APPL2: variants seen among roughly 807,000 people sequenced by gnomAD.
APPL2 encodes the protein DCC-interacting protein 13-beta.
A neutral mutation model predicts 92.7 loss-of-function variants in APPL2; 84 were observed. That is an observed-to-expected ratio of 0.91 (90% CI 0.76 to 1.09). The LOEUF (loss-of-function observed/expected upper bound fraction) is 1.09, where lower values mean the gene tolerates loss of function less well. Ranked by LOEUF, APPL2 falls within the 50% of genes least tolerant of loss-of-function variation. APPL2 has a pLI of 0.00. For synonymous variants in APPL2, 291 were observed against 291.0 expected, an observed-to-expected ratio of 1.00 and a Z score of 0.00; for missense variants, 736 against 824.5, an observed-to-expected ratio of 0.89 and a Z score of 1.31.
intron 17 of APPL2, among the ~76,000 whole-genome samples, chr12:105,186,703 T>TATATAC (rs1730631824): frequency 8.0e-6 from 1 of 124,822 alleles, no homozygotes; most frequent in African/African-American, 3.5e-5. Flanking sequence ...ATATATCATA[T>TATATAC]CATATATCAT....
chr12:105,212,016 G>A (rs1313714378), intron 4 of APPL2, among the ~76,000 whole-genome samples: 1 of 150,896 alleles, frequency 6.6e-6, no homozygotes, highest in Non-Finnish European at 1.5e-5. Context: ...CTATGTGGGA[G>A]GCTGAGGCAG....
At chr12:105,206,404 G>C (rs1044441094) in intron 8 of APPL2, among the ~76,000 whole-genome samples, 1 of 152,174 alleles carries the variant, frequency 6.6e-6, no homozygotes, top group Non-Finnish European at 1.5e-5. Flanking sequence ...GGCAAACGCA[G>C]GATGGGGTGG....
chr12:105,206,464 C>T (rs528084961), intron 8 of APPL2, among the ~76,000 whole-genome samples: 154 of 152,274 alleles, frequency 1.0e-3, no homozygotes, highest in African/African-American at 3.4e-3. Context: ...CACTCGTCTC[C>T]GCCGCACTGG....
intron 1 of APPL2, 99 bp from the exon 2 acceptor site, chr12:105,229,322 G>C (rs1890750922): frequency 8.9e-7 from 1 of 1,129,356 alleles, no homozygotes; most frequent in Non-Finnish European, 1.3e-6. Flanking sequence ...AAACCAGAAT[G>C]CGAGGAAAGA....
At chr12:105,182,133 C>T (rs928988991) in intron 17 of APPL2, among the ~76,000 whole-genome samples, 1 of 152,156 alleles carries the variant, frequency 6.6e-6, no homozygotes, top group Non-Finnish European at 1.5e-5. Context: ...TCAAGTGATT[C>T]TCCTGCTCCA....
Position 105,195,515 on chromosome 12 carries a change from TA to T in APPL2, c.1096-15del, listed in dbSNP as rs746922622. 7.4e-6 allele frequency: 12 copies of T among 1,614,042 alleles called. No homozygotes were observed. Among genetic ancestry groups the T allele is most frequent in the African/African-American group, 2.7e-5 (2 of 74,914 alleles). On this transcript the variant is annotated splice_polypyrimidine_tract_variant and intron_variant, in intron 12 of 20. Transcript: ENST00000258530. ...TGCACATATCCACTGTAGAGGACAT[TA>T]AAAAAGAACACTGAATCCCAAAGTC...
intron 2 of APPL2, among the ~76,000 whole-genome samples, chr12:105,219,298 T>C (rs774242800): frequency 2.0e-5 from 3 of 152,260 alleles, no homozygotes; most frequent in Non-Finnish European, 4.4e-5. Flanking sequence ...CTTCCTGCTC[T>C]GCCCTAAGGA....
At chr12:105,186,650 C>T (rs1353870734) in intron 17 of APPL2, among the ~76,000 whole-genome samples, 16 of 111,282 alleles carry the variant, frequency 1.4e-4, no homozygotes, top group Middle Eastern at 8.5e-3. Context: ...TATATGATAT[C>T]GATATCATAT....
At chr12:105,215,266 C>A (rs1277116133) in intron 4 of APPL2, among the ~76,000 whole-genome samples, 1 of 152,152 alleles carries the variant, frequency 6.6e-6, no homozygotes, top group African/African-American at 2.4e-5. Context: ...CTTGTGGGAT[C>A]TGAGGCTATC....
intron 4 of APPL2, among the ~76,000 whole-genome samples, chr12:105,216,832 G>C (rs373965129): frequency 4.7e-4 from 71 of 152,308 alleles, no homozygotes; most frequent in Middle Eastern, 3.4e-3. Flanking sequence ...CGAATTCTCA[G>C]AAATCTTTCT....
chr12:105,209,014 T>A (rs1214825747), intron 5 of APPL2, among the ~76,000 whole-genome samples: 1 of 152,204 alleles, frequency 6.6e-6, no homozygotes, highest in African/African-American at 2.4e-5. Flanking sequence ...TTCGCGTTAT[T>A]CATACTCTTT....
intron 4 of APPL2, among the ~76,000 whole-genome samples, chr12:105,211,895 C>T (rs952131012): frequency 5.3e-5 from 8 of 151,976 alleles, no homozygotes; most frequent in South Asian, 2.1e-4. Flanking sequence ...CTGAGGCAGG[C>T]GGATCATGAG....
intron 20 of APPL2, among the ~76,000 whole-genome samples, chr12:105,174,915 G>C (rs971452280): frequency 6.8e-6 from 1 of 147,196 alleles, no homozygotes; most frequent in African/African-American, 2.5e-5. Flanking sequence ...ACAGAGTCTC[G>C]CTCTATCGCC....
At chr12:105,216,159 C>T (rs139688130) in intron 4 of APPL2, among the ~76,000 whole-genome samples, 19 of 152,202 alleles carry the variant, frequency 1.2e-4, no homozygotes, top group East Asian at 5.8e-4. Context: ...TACCTGGTTT[C>T]GTTTTTTACA....
At chr12:105,230,738 C>T (rs867604710) in intron 1 of APPL2, among the ~76,000 whole-genome samples, 1 of 152,246 alleles carries the variant, frequency 6.6e-6, no homozygotes, top group Non-Finnish European at 1.5e-5. Context: ...AACTCTGATG[C>T]GCTTCACAGC....
chr12:105,206,125 A>T (rs891375212), intron 8 of APPL2, among the ~76,000 whole-genome samples: 13 of 152,136 alleles, frequency 8.5e-5, no homozygotes, highest in Admixed American at 5.2e-4. Flanking sequence ...TTTTTTCTCT[A>T]AACAGGAAAT....
chr12:105,176,151 T>G, intron 19 of APPL2, 69 bp from the exon 20 acceptor site: 1 of 1,411,310 alleles, frequency 7.1e-7, no homozygotes, highest in South Asian at 1.2e-5. Flanking sequence ...CAAATGTGAT[T>G]TGGGAGTACA....
chr12:105,214,707 T>C (rs780016131), intron 4 of APPL2, among the ~76,000 whole-genome samples: 4 of 152,156 alleles, frequency 2.6e-5, no homozygotes, highest in Non-Finnish European at 5.9e-5. Flanking sequence ...TCCTAATCCT[T>C]TGGAATTTCC....
chr12:105,203,634 C>G, intron 9 of APPL2, 69 bp downstream of exon 9: 4 of 1,455,276 alleles, frequency 2.7e-6, no homozygotes, highest in Non-Finnish European at 3.9e-6. Flanking sequence ...CTCCCCGTGA[C>G]CTCCCAGAGA....
Sources: gnomAD v4.1 joint callset for allele counts (sites outside exome capture counted in the v4.1 genomes callset) on GRCh38, gnomAD v4.1.1 for gene constraint, MANE v1.5 for transcripts, NCBI Gene and HGNC (gene_info 2026-07-23, HGNC 2026-07-21) for gene names.